The following PDE4B variants were observed in gnomAD, a reference collection of about 807,000 sequenced individuals.
The protein encoded by PDE4B is 3',5'-cyclic-AMP phosphodiesterase 4B.
A neutral mutation model predicts 82.2 loss-of-function variants in PDE4B; 20 were observed. The ratio of observed to expected loss-of-function variants is 0.24; its 90% CI spans 0.17 to 0.35. The LOEUF is 0.35. Among genes scored for constraint, PDE4B ranks in the 10% least tolerant of loss-of-function variants. The pLI is 1.00. For missense variants in PDE4B, 655 were observed against 907.2 expected (o/e 0.72, Z 3.57); for synonymous variants, 320 against 318.9 (o/e 1.00, Z -0.04).
intron 1 of PDE4B, among the ~76,000 whole-genome samples, chr1:65,805,220 C>G (rs1005884500): frequency 2.6e-5 from 4 of 152,170 alleles, no homozygotes; most frequent in Non-Finnish European, 5.9e-5. Context: ...CCACCTTGGC[C>G]TCCCAAAGTG....
intron 3 of PDE4B, among the ~76,000 whole-genome samples, chr1:65,938,827 A>G (rs372330230): frequency 6.6e-6 from 1 of 152,282 alleles, no homozygotes; most frequent in East Asian, 1.9e-4. Flanking sequence ...AAAGGGCCTT[A>G]AAGGCTCTGC....
chr1:65,831,130 G>A (rs899761900), intron 1 of PDE4B, among the ~76,000 whole-genome samples: 1 of 151,852 alleles, frequency 6.6e-6, no homozygotes, highest in South Asian at 2.1e-4. Flanking sequence ...AGAGAAAGAA[G>A]CTTAGAGAAA....
intron 3 of PDE4B, among the ~76,000 whole-genome samples, chr1:65,932,362 T>C (rs1048796408): frequency 1.3e-5 from 2 of 152,060 alleles, no homozygotes; most frequent in Non-Finnish European, 2.9e-5. Context: ...ATCACTTCTA[T>C]TGGAACACTG....
intron 7 of PDE4B, among the ~76,000 whole-genome samples, chr1:66,320,773 T>C (rs1659344067): frequency 1.3e-5 from 2 of 152,182 alleles, no homozygotes; most frequent in Non-Finnish European, 2.9e-5. Flanking sequence ...TGAAATATGG[T>C]CATTTGGAAA....
intron 3 of PDE4B, among the ~76,000 whole-genome samples, chr1:66,222,791 A>T (rs972743473): frequency 7.2e-5 from 11 of 152,248 alleles, no homozygotes. Flanking sequence ...ATAGACGCTC[A>T]AGAAATGTGA....
intron 3 of PDE4B, among the ~76,000 whole-genome samples, chr1:65,999,407 G>A (rs1440144925): frequency 6.6e-6 from 1 of 152,148 alleles, no homozygotes; most frequent in Non-Finnish European, 1.5e-5. Flanking sequence ...CCAGCCCTGT[G>A]AGCCTGCTTT....
At chr1:66,251,327 G>A (rs1352671884) in intron 4 of PDE4B, among the ~76,000 whole-genome samples, 1 of 152,122 alleles carries the variant, frequency 6.6e-6, no homozygotes, top group Non-Finnish European at 1.5e-5. Context: ...CCAATAAATG[G>A]GAACAAGACG....
intron 3 of PDE4B, among the ~76,000 whole-genome samples, chr1:66,131,535 C>G (rs150694449): frequency 0.018 from 2,295 of 126,052 alleles, 37 homozygotes; most frequent in Non-Finnish European, 0.028. Flanking sequence ...ATGAAAATGG[C>G]AAAATCAGAT....
rs71058452 is a variant in PDE4B, at chr1:66,131,592, GATATAT to G, written c.282-115827_282-115822del. 0.012 allele frequency among the ~76,000 whole-genome samples: 394 copies of G among 32,832 alleles called. 4 individuals are homozygous for G. The Middle Eastern group carries it at 0.12, about 10-fold the overall frequency. The allele number at this position is 32,832 out of a possible 152,430, so 21.5% of individuals were successfully genotyped here. Reference sequence around the variant, plus strand: ...TATTTTCAATATTTTCTGAATGCCAGATATATATATATATATATATATATATATATA... The same window carrying G: ...TATTTTCAATATTTTCTGAATGCCAGATATATATATATATATATATATATA... On this transcript the variant is annotated intron_variant, in intron 3 of 16. Transcript: ENST00000341517.
chr1:66,029,573 A>T (rs1653644019), intron 3 of PDE4B, among the ~76,000 whole-genome samples: 1 of 152,034 alleles, frequency 6.6e-6, no homozygotes, highest in Non-Finnish European at 1.5e-5. Context: ...GAGTCTATTG[A>T]CTCTTTTTTC....
At chr1:66,087,573 C>G (rs1030653866) in intron 3 of PDE4B, among the ~76,000 whole-genome samples, 1 of 152,050 alleles carries the variant, frequency 6.6e-6, no homozygotes, top group Non-Finnish European at 1.5e-5. Flanking sequence ...CTTGACCATG[C>G]CTATGTCCTG....
At chr1:66,061,089 G>A (rs919036035) in intron 3 of PDE4B, among the ~76,000 whole-genome samples, 37 of 151,304 alleles carry the variant, frequency 2.4e-4, no homozygotes, top group African/African-American at 8.7e-4. Context: ...CACGTTCTTT[G>A]AAAATGAGAA....
At chr1:66,345,932 G>A (rs1233912500) in intron 8 of PDE4B, among the ~76,000 whole-genome samples, 1 of 152,204 alleles carries the variant, frequency 6.6e-6, no homozygotes. Flanking sequence ...GAAATGTGAA[G>A]CATGGTTTTG....
intron 3 of PDE4B, among the ~76,000 whole-genome samples, chr1:66,032,325 T>A (rs945593034): frequency 2.0e-5 from 3 of 152,190 alleles, no homozygotes; most frequent in African/African-American, 7.2e-5. Flanking sequence ...ACAGACTGCT[T>A]TCTTGATGAC....
intron 7 of PDE4B, among the ~76,000 whole-genome samples, chr1:66,269,091 A>C (rs1422110261): frequency 9.2e-5 from 14 of 152,264 alleles, no homozygotes. Context: ...AACTTTTAAT[A>C]ATGAGCCAAT....
intron 3 of PDE4B, among the ~76,000 whole-genome samples, chr1:65,989,370 G>A (rs1005449886): frequency 3.3e-5 from 5 of 151,980 alleles, no homozygotes; most frequent in Admixed American, 6.6e-5. Flanking sequence ...GCATGGTGGT[G>A]GGCGCCTGTA....
At chr1:66,200,964 A>G (rs1402568505) in intron 3 of PDE4B, among the ~76,000 whole-genome samples, 43 of 152,120 alleles carry the variant, frequency 2.8e-4, no homozygotes, top group Non-Finnish European at 4.4e-5. Context: ...CCCATTCAGT[A>G]TGATATTGGC....
intron 7 of PDE4B, among the ~76,000 whole-genome samples, chr1:66,294,700 T>C (rs1657373297): frequency 6.6e-6 from 1 of 152,078 alleles, no homozygotes. Context: ...TTTTTATTAA[T>C]TCAGTATGTT....
chr1:66,014,741 G>A (rs1187724314), intron 3 of PDE4B, among the ~76,000 whole-genome samples: 1 of 152,200 alleles, frequency 6.6e-6, no homozygotes, highest in Non-Finnish European at 1.5e-5. Flanking sequence ...GGACATTTTT[G>A]GTTGTCACAT....
Sources: allele counts gnomAD v4.1 joint callset (sites outside exome capture counted in the v4.1 genomes callset), GRCh38; gene constraint gnomAD v4.1.1; transcripts MANE v1.5; gene names NCBI Gene and HGNC (gene_info 2026-07-23, HGNC 2026-07-21).